DAZAP1: variants seen among roughly 807,000 people sequenced by gnomAD.
DAZAP1 encodes DAZ associated protein 1, also known as DAZ-associated protein 1.
A neutral mutation model predicts 60.1 loss-of-function variants in DAZAP1; 6 were observed. The ratio of observed to expected loss-of-function variants is 0.10; its 90% CI spans 0.05 to 0.20. The LOEUF (loss-of-function observed/expected upper bound fraction) is 0.20. Ranked by LOEUF, DAZAP1 falls within the 10% of genes least tolerant of loss-of-function variation. DAZAP1 has a pLI of 1.00. For synonymous variants in DAZAP1, 235 were observed against 215.9 expected, an observed-to-expected ratio of 1.09 and a Z score of -0.78; for missense variants, 366 against 560.4, an observed-to-expected ratio of 0.65 and a Z score of 3.50.
intron 9 of DAZAP1, 89 bp from the exon 10 acceptor site, chr19:1,430,133 C>T: frequency 1.3e-6 from 2 of 1,498,532 alleles, no homozygotes; most frequent in East Asian, 2.3e-5. Context: ...GAGGGGCCTG[C>T]TAGGGCCCCT....
intron 4 of DAZAP1, among the ~76,000 whole-genome samples, chr19:1,419,574 C>A (rs1021997545): frequency 1.3e-5 from 2 of 152,204 alleles, no homozygotes; most frequent in African/African-American, 4.8e-5. Flanking sequence ...GGCCGTGTTC[C>A]CAGCTCCAGA....
At chr19:1,413,802 T>TAAG (rs1364282368) in intron 1 of DAZAP1, among the ~76,000 whole-genome samples, 1 of 152,212 alleles carries the variant, frequency 6.6e-6, no homozygotes, top group East Asian at 1.9e-4. Flanking sequence ...TGAGACTTGT[T>TAAG]TCAAAAGAAA....
chr19:1,414,767 T>C (rs2082926127), intron 1 of DAZAP1, among the ~76,000 whole-genome samples: 1 of 152,142 alleles, frequency 6.6e-6, no homozygotes, highest in Non-Finnish European at 1.5e-5. Context: ...TTATTATTTT[T>C]TAAAATTGTA....
At chr19:1,429,062 C>T in intron 8 of DAZAP1, 67 bp downstream of exon 8, 1 of 1,477,824 alleles carries the variant, frequency 6.8e-7, no homozygotes, top group East Asian at 2.5e-5. Context: ...GCGCCCTGGG[C>T]TGTGCCGTCG....
rs376175562 is a variant in DAZAP1 at position 1,434,695 on chromosome 19, C to G, written c.1049-42C>G. ...GGCCTCGCTCGACGGCAGTGCCAACCGCCCAGGGACCGCCCCGAGCTCACA... is the reference window on the plus strand; with the variant it reads ...GGCCTCGCTCGACGGCAGTGCCAACGGCCCAGGGACCGCCCCGAGCTCACA... On this transcript the variant is annotated intron_variant, in intron 11 of 11. Coordinates refer to ENST00000233078, the MANE Select transcript of DAZAP1 (RefSeq NM_018959.4). This position sits in a 1 kb window ranked among gnomAD's most constrained non-coding sequence, Gnocchi z 8.0. 16 of 1,601,894 alleles carry G rather than the reference C, an allele frequency of 1.0e-5. No individual in the cohort carries two copies. In the African/African-American group the frequency reaches 1.8e-4, roughly 18 times the overall value.
chr19:1,430,024 G>T, intron 9 of DAZAP1, 28 bp downstream of exon 9: 8 of 1,575,664 alleles, frequency 5.1e-6, no homozygotes, highest in Non-Finnish European at 6.9e-6. Flanking sequence ...GAGCAAAGGC[G>T]GGGACAGAAG....
At position 1,417,739 on chromosome 19, in the gene DAZAP1, A is replaced by G. The variant is rs534806792; in HGVS notation, c.70+199A>G. ...ATTTGGTATTTCCATCCCAAGTTAC[A>G]GGGAAGACCTCAGGCTGCAGGTTCC... On this transcript the variant is annotated intron_variant, in intron 2 of 11. Coordinates refer to ENST00000233078, the MANE Select transcript of DAZAP1 (RefSeq NM_018959.4). Among the ~76,000 whole-genome samples, 3 of 152,330 alleles carry G rather than the reference A, an allele frequency of 2.0e-5. No homozygotes were observed. The East Asian group carries it at 5.8e-4, about 29-fold the overall frequency.
chr19:1,431,126 A>C (rs907174694), intron 10 of DAZAP1, among the ~76,000 whole-genome samples: 1 of 150,320 alleles, frequency 6.7e-6, no homozygotes, highest in Non-Finnish European at 1.5e-5. Flanking sequence ...TATTTTATTT[A>C]TTTATTTATG....
At position 1,422,036 on chromosome 19, in the gene DAZAP1, G is replaced by A. The variant is rs746277131; in HGVS notation, c.415-312G>A. Among the ~76,000 whole-genome samples the A allele has an allele frequency of 1.3e-5, 2 of 152,226 alleles. No individual in the cohort carries two copies. Among genetic ancestry groups the A allele is most frequent in the Non-Finnish European group, 2.9e-5 (2 of 68,026 alleles). ...GCTCCCACGTCCCCTGCTAGGATGC[G>A]TGGTCGGCGTTGTTGGCCCTTCATG... is the stretch of plus-strand genomic sequence containing the variant. On this transcript the variant is annotated intron_variant, in intron 5 of 11. Transcript: ENST00000233078. This position sits in a 1 kb window ranked among gnomAD's most constrained non-coding sequence, Gnocchi z 4.5.
At position 1,407,768 on chromosome 19, in the gene DAZAP1, G is replaced by A; in HGVS notation, c.-6G>A. 2 of 1,090,850 alleles carry A rather than the reference G, an allele frequency of 1.8e-6. No homozygotes were observed. The highest frequency in any genetic ancestry group is 1.7e-5 in the African/African-American group (1 of 59,136). 67.6% of individuals were successfully genotyped at this position (1,090,850 alleles called of 1,614,324 possible). Reference sequence around the variant, plus strand: ...GGGAGCGCCGAGCGTCGCCGCCGCCGCCGCCATGAACAACTCGGGCGCCGA... The same window carrying A: ...GGGAGCGCCGAGCGTCGCCGCCGCCACCGCCATGAACAACTCGGGCGCCGA... On this transcript the variant is annotated 5_prime_UTR_variant, in exon 1 of 12. Coordinates refer to ENST00000233078, the MANE Select transcript of DAZAP1 (RefSeq NM_018959.4).
rs745374964 is a variant in DAZAP1, at chr19:1,432,712, C to T, written c.1048+22C>T. ...TATGGTAAGTGGTCTCCTGCCATGCCGCGTCCCCGCTGGCCCCAGGACCCT... is the reference window on the plus strand; with the variant it reads ...TATGGTAAGTGGTCTCCTGCCATGCTGCGTCCCCGCTGGCCCCAGGACCCT... On this transcript the variant is annotated intron_variant, in intron 11 of 11. Coordinates refer to ENST00000233078, the MANE Select transcript of DAZAP1 (RefSeq NM_018959.4). This position sits in a 1 kb window ranked among gnomAD's most constrained non-coding sequence, Gnocchi z 4.9. 3.8e-5 allele frequency: 59 copies of T among 1,567,782 alleles called. No homozygotes were observed. Among genetic ancestry groups the T allele is most frequent in the East Asian group, 9.0e-5 (4 of 44,266 alleles).
Position 1,430,831 on chromosome 19 carries a change from C to T in DAZAP1, c.871+469C>T, listed in dbSNP as rs577420159. 2.4e-4 allele frequency among the ~76,000 whole-genome samples: 36 copies of T among 151,896 alleles called. No homozygotes were observed. In the East Asian group the frequency reaches 7.0e-3, roughly 30 times the overall value. ...CGCCTCCTGGGTTCACACCATTCTC[C>T]TGCCTCAGTCTCCCGAGTAGCTGGG... On this transcript the variant is annotated intron_variant, in intron 10 of 11. Coordinates refer to ENST00000233078, the MANE Select transcript of DAZAP1 (RefSeq NM_018959.4).
At chr19:1,419,696 G>A (rs977830697) in intron 4 of DAZAP1, among the ~76,000 whole-genome samples, 2 of 152,150 alleles carry the variant, frequency 1.3e-5, no homozygotes, top group Non-Finnish European at 2.9e-5. Flanking sequence ...TAATGGGCAC[G>A]TAGTAAACTG....
In DAZAP1 at chr19:1,407,616, G is replaced by GGCA. The variant is rs1019645365; in HGVS notation, c.-155_-153dup. ...GTGACCGTTGGCGCCGAGGGGAGGA[G>GGCA]GCAGCCGCCGCCGCCGCCGCCGCCG... On this transcript the variant is annotated 5_prime_UTR_variant, in exon 1 of 12. Transcript: ENST00000233078. 2 of 206,566 alleles carry GGCA rather than the reference G, an allele frequency of 9.7e-6. No homozygotes were observed. The highest frequency in any genetic ancestry group is 1.4e-5 in the Non-Finnish European group (2 of 145,092). The allele number at this position is 206,566 out of a possible 1,614,324, so 12.8% of individuals were successfully genotyped here. A position where few individuals can be genotyped will look rare whatever the true frequency, so the allele number is the denominator to read the frequency against.
Position 1,422,300 on chromosome 19 carries a change from T to C in DAZAP1, c.415-48T>C, listed in dbSNP as rs2271055. The C allele has an allele frequency of 0.41, 641,181 of 1,578,380 alleles. 136,069 individuals are homozygous for C. Among genetic ancestry groups the C allele is most frequent in the African/African-American group, 0.76 (56,624 of 74,224 alleles). ...CAGGCTGTGCCCTCGGAAGACCACC[T>C]GTGGTGCTGGCCCTGGTGTCCGTGC... On this transcript the variant is annotated intron_variant, in intron 5 of 11. Transcript: ENST00000233078. The surrounding 1 kb of genome is among the most constrained non-coding windows in gnomAD (Gnocchi z 4.5).
rs769879756 is a variant in DAZAP1, at chr19:1,421,134, C to T, written c.304-14C>T. On this transcript the variant is annotated splice_polypyrimidine_tract_variant and intron_variant, in intron 4 of 11. Coordinates refer to ENST00000233078, the MANE Select transcript of DAZAP1 (RefSeq NM_018959.4). ...GTTCCCGTGTGAACTAACTATCCTT[C>T]CCTTCTTCAACAGCAGAAAGGACCC... The T allele has an allele frequency of 3.1e-6, 5 of 1,612,522 alleles. No individual in the cohort carries two copies. The highest frequency in any genetic ancestry group is 2.2e-5 in the East Asian group (1 of 44,874).
Position 1,422,090 on chromosome 19 carries a change from C to A in DAZAP1, c.415-258C>A, listed in dbSNP as rs1002098948. ...GTCAGCACACACGTGAGCGGGGCCA[C>A]GGGCAGCCCGGAGGCGGGTATCCAG... On this transcript the variant is annotated intron_variant, in intron 5 of 11. Coordinates refer to ENST00000233078, the MANE Select transcript of DAZAP1 (RefSeq NM_018959.4). The surrounding 1 kb of genome is among the most constrained non-coding windows in gnomAD (Gnocchi z 4.5). 6.6e-6 allele frequency among the ~76,000 whole-genome samples: 1 copy of A among 152,244 alleles called. No homozygotes were observed. The highest frequency in any genetic ancestry group is 1.5e-5 in the Non-Finnish European group (1 of 68,034).
In DAZAP1 at chr19:1,425,120, A is replaced by T. The variant is rs2083274331; in HGVS notation, c.464-758A>T. ...TGGCAGCAGAGTCTGACCTGCTGGA[A>T]CCCGTTGTGGCCTGTATCTTTGTGC... On this transcript the variant is annotated intron_variant, in intron 6 of 11. Transcript: ENST00000233078. This position sits in a 1 kb window ranked among gnomAD's most constrained non-coding sequence, Gnocchi z 5.4. Among the ~76,000 whole-genome samples, 1 of 152,032 alleles carries T rather than the reference A, an allele frequency of 6.6e-6. No individual in the cohort carries two copies. Among genetic ancestry groups the T allele is most frequent in the African/African-American group, 2.4e-5 (1 of 41,364 alleles).
chr19:1,417,583 CT>C, intron 2 of DAZAP1, 43 bp downstream of exon 2: 1 of 1,566,078 alleles, frequency 6.4e-7, no homozygotes, highest in Non-Finnish European at 8.7e-7. Context: ...CAGATGGGCT[CT>C]AGGACCTCGG....
Sources: allele counts gnomAD v4.1 joint callset (sites outside exome capture counted in the v4.1 genomes callset), GRCh38; gene constraint gnomAD v4.1.1; non-coding constraint Gnocchi (gnomAD v3.1); transcripts MANE v1.5; gene names NCBI Gene and HGNC (gene_info 2026-07-23, HGNC 2026-07-21).